Variants in FAM124A observed in about 807,000 individuals in gnomAD.
The protein encoded by FAM124A is protein FAM124A.
Under a neutral mutation model 24.5 loss-of-function variants are expected in FAM124A, and 23 were observed. The ratio of observed to expected loss-of-function variants is 0.94; its 90% confidence interval spans 0.68 to 1.33. The LOEUF (loss-of-function observed/expected upper bound fraction) is 1.33. FAM124A is among the 40% of genes most tolerant of loss of function. FAM124A has a pLI of 0.00. For missense variants in FAM124A, 623 were observed against 722.8 expected, an observed-to-expected ratio of 0.86 and a Z score of 1.58; for synonymous variants, 287 against 314.7, an observed-to-expected ratio of 0.91 and a Z score of 0.93.
At chr13:51,239,819 G>A (rs755229754) in intron 2 of FAM124A, among the ~76,000 whole-genome samples, 15 of 151,592 alleles carry the variant, frequency 9.9e-5, no homozygotes, top group South Asian at 2.1e-4. Context: ...AGATTATCTG[G>A]ATAGATACAT....
Position 51,280,696 on chromosome 13 carries a change from AAG to A in FAM124A, c.1082_1083del (p.Lys361IlefsTer17), listed in dbSNP as rs779106524. On this transcript the variant is annotated frameshift_variant, in exon 4 of 4. Coordinates refer to ENST00000322475, the MANE Select transcript of FAM124A (RefSeq NM_001242312.2). LOFTEE classifies it low-confidence loss of function (END_TRUNC). ...CCCTCCCTGGTCTTTCCAGAGAAGC[AAG>A]TCCTTGTTTTGTTTGCCCACGGGAG... ...PNPPWSFQRS[K>X]SLFCLPTGGP... 8 of 1,613,890 alleles carry A rather than the reference AAG, an allele frequency of 5.0e-6. No homozygotes were observed. Among genetic ancestry groups the A allele is most frequent in the Non-Finnish European group, 6.8e-6 (8 of 1,180,022 alleles).
At chr13:51,223,889 A>G (rs899410065) in intron 1 of FAM124A, among the ~76,000 whole-genome samples, 2 of 152,244 alleles carry the variant, frequency 1.3e-5, no homozygotes, top group Non-Finnish European at 1.5e-5. Context: ...GAAGAAACAA[A>G]GCAAAATTAA....
At position 51,283,667 on chromosome 13, in the gene FAM124A, C is replaced by T. The variant is rs1184119159; in HGVS notation, c.*2411C>T. 6.7e-6 allele frequency: 1 copy of T among 148,462 alleles called. No homozygotes were observed. Among genetic ancestry groups the T allele is most frequent in the African/African-American group, 2.5e-5 (1 of 40,022 alleles). 9.2% of individuals were successfully genotyped at this position (148,462 alleles called of 1,614,324 possible). A position where few individuals can be genotyped will look rare whatever the true frequency, so the allele number is the denominator to read the frequency against. ...GTCAATAGCTGATGAGGAAAAGCAA[C>T]CTGCAAACATTAGGAAGAAGGAGAA... is the stretch of plus-strand genomic sequence containing the variant. On this transcript the variant is annotated 3_prime_UTR_variant, in exon 4 of 4. Coordinates refer to ENST00000322475, the MANE Select transcript of FAM124A (RefSeq NM_001242312.2).
chr13:51,227,642 C>T (rs1297738239), intron 1 of FAM124A, among the ~76,000 whole-genome samples: 1 of 152,126 alleles, frequency 6.6e-6, no homozygotes, highest in Non-Finnish European at 1.5e-5. Context: ...CCTTGTAAAC[C>T]CAAATAAAAG....
chr13:51,233,652 C>A (rs77733101), intron 2 of FAM124A, among the ~76,000 whole-genome samples: 3 of 151,936 alleles, frequency 2.0e-5, no homozygotes, highest in Non-Finnish European at 4.4e-5. Context: ...TAAATCCTGG[C>A]GCCACCTACT....
intron 1 of FAM124A, among the ~76,000 whole-genome samples, chr13:51,229,410 G>C (rs1267449444): frequency 5.9e-5 from 9 of 152,184 alleles, no homozygotes; most frequent in African/African-American, 1.7e-4. Context: ...TCATAGAGGG[G>C]CATCAGTTAT....
At chr13:51,277,666 T>C (rs1954897159) in intron 3 of FAM124A, among the ~76,000 whole-genome samples, 2 of 152,226 alleles carry the variant, frequency 1.3e-5, no homozygotes, top group African/African-American at 4.8e-5. Context: ...TGGTGGCACG[T>C]GCCTGTGGTC....
chr13:51,265,257 T>G (rs1954773450), intron 3 of FAM124A, among the ~76,000 whole-genome samples: 1 of 152,136 alleles, frequency 6.6e-6, no homozygotes, highest in Non-Finnish European at 1.5e-5. Flanking sequence ...TGTGCTGGAA[T>G]CCACCTCTGT....
At chr13:51,230,649 C>G (rs1417621104) in intron 1 of FAM124A, among the ~76,000 whole-genome samples, 1 of 152,170 alleles carries the variant, frequency 6.6e-6, no homozygotes, top group Non-Finnish European at 1.5e-5. Flanking sequence ...TTAAGCAGAT[C>G]CTTGGCCAGA....
At chr13:51,268,483 G>C (rs1439302967) in intron 3 of FAM124A, among the ~76,000 whole-genome samples, 1 of 152,216 alleles carries the variant, frequency 6.6e-6, no homozygotes, top group Non-Finnish European at 1.5e-5. Flanking sequence ...ACACTGTTAA[G>C]AAGAGGGGGA....
chr13:51,229,447 A>G (rs1405366559), intron 1 of FAM124A, among the ~76,000 whole-genome samples: 1 of 152,198 alleles, frequency 6.6e-6, no homozygotes, highest in Non-Finnish European at 1.5e-5. Context: ...AGACACTAAA[A>G]TACTGTTGCA....
At chr13:51,238,886 A>G (rs961391137) in intron 2 of FAM124A, among the ~76,000 whole-genome samples, 1 of 152,248 alleles carries the variant, frequency 6.6e-6, no homozygotes, top group African/African-American at 2.4e-5. Context: ...ACAGTATATG[A>G]CACAGACAAC....
intron 2 of FAM124A, chr13:51,245,182 G>A: frequency 2.3e-6 from 1 of 442,256 alleles, no homozygotes; most frequent in Admixed American, 4.0e-5. Context: ...GATTTACATA[G>A]GGCACAAAAG....
intron 3 of FAM124A, among the ~76,000 whole-genome samples, chr13:51,254,396 CT>C (rs149474095): frequency 6.6e-6 from 1 of 151,516 alleles, no homozygotes; most frequent in African/African-American, 2.4e-5. Flanking sequence ...AAAGTTGAAA[CT>C]TTTTTTTTCT....
chr13:51,280,664 C>T lies in FAM124A; in HGVS notation c.1049C>T (p.Thr350Ile). 1 of 1,614,186 alleles carries T rather than the reference C, an allele frequency of 6.2e-7. No homozygotes were observed. The highest frequency in any genetic ancestry group is 8.5e-7 in the Non-Finnish European group (1 of 1,180,030). Residue 350 changes from threonine (T) to isoleucine (I), a missense_variant, in exon 4 of 4, where the codon ACC becomes ATC. Coordinates refer to ENST00000322475, the MANE Select transcript of FAM124A (RefSeq NM_001242312.2). ...GAATTTGCCGGACGAGCCAACAGCA[C>T]CCCCAACCCTCCCTGGTCTTTCCAG... ...QQEFAGRANS[T>I]PNPPWSFQRS...
At chr13:51,224,817 C>T (rs1954300643) in intron 1 of FAM124A, among the ~76,000 whole-genome samples, 2 of 152,224 alleles carry the variant, frequency 1.3e-5, no homozygotes, top group Admixed American at 1.3e-4. Context: ...CCTATATGCC[C>T]TGACTCCTGT....
chr13:51,241,499 G>A (rs1383190166), intron 2 of FAM124A, among the ~76,000 whole-genome samples: 2 of 152,152 alleles, frequency 1.3e-5, no homozygotes, highest in Admixed American at 6.5e-5. Flanking sequence ...ACTGGGAGTT[G>A]GGAGATGTTT....
rs1263188515 is a variant in FAM124A, at chr13:51,283,813, T to TGGC, written c.*2558_*2560dup. 1.5e-5 allele frequency: 2 copies of TGGC among 133,402 alleles called. No homozygotes were observed. The highest frequency in any genetic ancestry group is 3.1e-5 in the Non-Finnish European group (2 of 64,014). The allele number at this position is 133,402 out of a possible 1,614,324, so 8.3% of individuals were successfully genotyped here. A position where few individuals can be genotyped will look rare whatever the true frequency, so the allele number is the denominator to read the frequency against. ...AAAAAAAAGGCTAATGGCCGAGGGC[T>TGGC]GGCTCCTTCTTTCTCCCTAATCAGT... On this transcript the variant is annotated 3_prime_UTR_variant, in exon 4 of 4. Coordinates refer to ENST00000322475, the MANE Select transcript of FAM124A (RefSeq NM_001242312.2).
In FAM124A at chr13:51,258,741, T is replaced by G. The variant is rs548848092; in HGVS notation, c.834+6540T>G. On this transcript the variant is annotated intron_variant, in intron 3 of 3. Coordinates refer to ENST00000322475, the MANE Select transcript of FAM124A (RefSeq NM_001242312.2). This position sits in a 1 kb window ranked among gnomAD's most constrained non-coding sequence, Gnocchi z 4.2. ...ATCTGAACACTTAGGATGGTAATTC[T>G]TCCCTAGCAGAGTCACTGAGACCTG... is the stretch of plus-strand genomic sequence containing the variant. 7.9e-5 allele frequency among the ~76,000 whole-genome samples: 12 copies of G among 152,348 alleles called. No individual in the cohort carries two copies. The highest frequency in any genetic ancestry group is 7.4e-5 in the Non-Finnish European group (5 of 68,022).
Sources: gnomAD v4.1 joint callset for allele counts (sites outside exome capture counted in the v4.1 genomes callset) on GRCh38, gnomAD v4.1.1 for gene constraint, Gnocchi (gnomAD v3.1) non-coding constraint, MANE v1.5 for transcripts, NCBI Gene and HGNC (gene_info 2026-07-23, HGNC 2026-07-21) for gene names.